The following L3MBTL3 variants were observed in gnomAD, a reference collection of about 807,000 sequenced individuals.
L3MBTL3 encodes the protein L3MBTL histone methyl-lysine binding protein 3, also known as lethal(3)malignant brain tumor-like protein 3.
Under a neutral mutation model 102.3 loss-of-function variants are expected in L3MBTL3, and 27 were observed. The observed-to-expected ratio is 0.26, with a 90% confidence interval of 0.19 to 0.36. The LOEUF is 0.36. Ranked by LOEUF, L3MBTL3 falls within the 10% of genes least tolerant of loss-of-function variation. The pLI is 1.00. For synonymous variants in L3MBTL3, 340 were observed against 320.9 expected (o/e 1.06, Z -0.64); for missense variants, 798 against 955.3 (o/e 0.84, Z 2.17).
intron 1 of L3MBTL3, among the ~76,000 whole-genome samples, chr6:130,020,281 A>G (rs1390337612): frequency 1.3e-5 from 2 of 148,282 alleles, no homozygotes; most frequent in Non-Finnish European, 3.0e-5. Context: ...CGGGAAGCGC[A>G]GGAGCCGAGG....
At chr6:130,057,540 C>T in intron 9 of L3MBTL3, 43 bp downstream of exon 9, 1 of 1,416,994 alleles carries the variant, frequency 7.1e-7, no homozygotes, top group Non-Finnish European at 9.7e-7. Flanking sequence ...GGCGCAGGAG[C>T]TGGGATACCA....
chr6:130,029,343 C>A (rs1340086027), intron 2 of L3MBTL3, among the ~76,000 whole-genome samples: 2 of 152,294 alleles, frequency 1.3e-5, no homozygotes, highest in East Asian at 3.9e-4. Flanking sequence ...TAATCTCTCA[C>A]AGCACTTTCT....
intron 2 of L3MBTL3, among the ~76,000 whole-genome samples, chr6:130,034,591 C>T (rs1162541103): frequency 2.0e-5 from 3 of 152,232 alleles, no homozygotes; most frequent in East Asian, 3.8e-4. Context: ...CTTTCATAAA[C>T]ATCCCCATAT....
intron 13 of L3MBTL3, among the ~76,000 whole-genome samples, chr6:130,075,476 C>G (rs73614261): frequency 0.049 from 7,517 of 152,174 alleles, 626 homozygotes; most frequent in African/African-American, 0.17. Flanking sequence ...CTTAACACTT[C>G]TAAACTTTAG....
chr6:130,038,344 T>C (rs1256080742), intron 2 of L3MBTL3, among the ~76,000 whole-genome samples: 1 of 152,058 alleles, frequency 6.6e-6, no homozygotes, highest in Non-Finnish European at 1.5e-5. Flanking sequence ...GGATCCTCCA[T>C]ACTGTTTTCT....
Position 130,042,682 on chromosome 6 carries a change from C to G in L3MBTL3, c.-15-3C>G. 1 of 1,552,904 alleles carries G rather than the reference C, an allele frequency of 6.4e-7. No homozygotes were observed. Among genetic ancestry groups the G allele is most frequent in the South Asian group, 1.1e-5 (1 of 89,642 alleles). On this transcript the variant is annotated splice_region_variant and splice_polypyrimidine_tract_variant and intron_variant, in intron 2 of 22. Transcript: ENST00000361794. ...AGTGATATGCCTTCTTTTCCCCTTT[C>G]AGGTTAAAAAATAAATCATGACTGA...
chr6:130,021,257 C>G (rs758458830), intron 1 of L3MBTL3, among the ~76,000 whole-genome samples: 2 of 152,104 alleles, frequency 1.3e-5, no homozygotes, highest in Non-Finnish European at 2.9e-5. Context: ...TTCGGAAGGC[C>G]GAGAGCAAAG....
chr6:130,059,550 A>G (rs942087418), intron 9 of L3MBTL3, among the ~76,000 whole-genome samples: 2 of 152,164 alleles, frequency 1.3e-5, no homozygotes, highest in East Asian at 3.8e-4. Flanking sequence ...CATTTTTCAC[A>G]TGTGTGAGAA....
chr6:130,062,970 C>T (rs1364929417), intron 10 of L3MBTL3, among the ~76,000 whole-genome samples: 1 of 149,514 alleles, frequency 6.7e-6, no homozygotes, highest in Non-Finnish European at 1.5e-5. Context: ...CCCTCCCTCC[C>T]TCCTTCCCTT....
At chr6:130,073,682 C>T (rs553005654) in intron 13 of L3MBTL3, among the ~76,000 whole-genome samples, 7 of 152,108 alleles carry the variant, frequency 4.6e-5, no homozygotes, top group East Asian at 3.9e-4. Context: ...TAGAAGAATT[C>T]GCCATGTTCA....
chr6:130,032,412 G>A (rs76118641), intron 2 of L3MBTL3, among the ~76,000 whole-genome samples: 1,586 of 152,166 alleles, frequency 0.01, 29 homozygotes, highest in African/African-American at 0.037. Context: ...TTGTGTTGTT[G>A]TACCCCAGCC....
chr6:130,052,756 T>C, intron 6 of L3MBTL3, 103 bp from the exon 7 acceptor site: 1 of 1,403,102 alleles, frequency 7.1e-7, no homozygotes. Flanking sequence ...ATTTTTCCTT[T>C]GCAGGGTGAT....
intron 2 of L3MBTL3, among the ~76,000 whole-genome samples, chr6:130,024,866 T>C (rs1469199465): frequency 6.6e-6 from 1 of 152,194 alleles, no homozygotes; most frequent in Non-Finnish European, 1.5e-5. Flanking sequence ...TAGGAAAGGA[T>C]GAGGGCTCTA....
intron 19 of L3MBTL3, among the ~76,000 whole-genome samples, chr6:130,108,233 T>G (rs1785113039): frequency 7.7e-5 from 2 of 25,850 alleles, no homozygotes; most frequent in African/African-American, 1.3e-4. Context: ...TTTTTTTTGT[T>G]TTTTTTTTTT....
At chr6:130,045,436 A>G (rs1780670587) in intron 3 of L3MBTL3, among the ~76,000 whole-genome samples, 1 of 151,812 alleles carries the variant, frequency 6.6e-6, no homozygotes, top group South Asian at 2.1e-4. Context: ...TCTGCTGAAC[A>G]CTCTACCTGC....
chr6:130,124,921 G>C (rs975853024), intron 20 of L3MBTL3, among the ~76,000 whole-genome samples: 3 of 151,516 alleles, frequency 2.0e-5, no homozygotes, highest in African/African-American at 4.9e-5. Context: ...AGTGAGCTGA[G>C]ATCATGCCAT....
chr6:130,019,663 G>C (rs1778815819), intron 1 of L3MBTL3, among the ~76,000 whole-genome samples: 1 of 150,718 alleles, frequency 6.6e-6, no homozygotes, highest in African/African-American at 2.4e-5. Context: ...GGCGGGGCTC[G>C]GCGGCCGAGA....
intron 13 of L3MBTL3, among the ~76,000 whole-genome samples, chr6:130,075,684 A>G (rs550690442): frequency 1.5e-4 from 23 of 152,268 alleles, no homozygotes; most frequent in Non-Finnish European, 2.8e-4. Context: ...TCCCTGCACC[A>G]TGAGCATTTT....
intron 10 of L3MBTL3, among the ~76,000 whole-genome samples, chr6:130,062,242 C>T (rs997666529): frequency 6.6e-6 from 1 of 152,086 alleles, no homozygotes. Context: ...TTCAGATCCC[C>T]CTTCCTTCCT....
Sources: allele counts gnomAD v4.1 joint callset (sites outside exome capture counted in the v4.1 genomes callset), GRCh38; gene constraint gnomAD v4.1.1; transcripts MANE v1.5; gene names NCBI Gene and HGNC (gene_info 2026-07-23, HGNC 2026-07-21).